The following TBCCD1 variants were observed in gnomAD, a reference collection of about 807,000 sequenced individuals.
TBCCD1 encodes the protein TBCC domain containing 1, also known as TBCC domain-containing protein 1.
In TBCCD1, 26 loss-of-function variants were observed where a neutral mutation model predicts 53.4. That is an observed-to-expected ratio of 0.49 (90% CI 0.36 to 0.68). The LOEUF (loss-of-function observed/expected upper bound fraction) is 0.68. TBCCD1 is among the 30% of genes least tolerant of loss of function. The pLI is 0.00. For synonymous variants in TBCCD1, 245 were observed against 241.7 expected (o/e 1.01, Z -0.13); for missense variants, 558 against 669.5 (o/e 0.83, Z 1.84).
chr3:186,554,328 A>G lies in TBCCD1; in HGVS notation c.1470T>C (p.Tyr490=), dbSNP rs1293072139. Residue 490 remains tyrosine (Y), a synonymous_variant, in exon 6 of 8, where the codon TAT becomes TAC. Coordinates refer to ENST00000338733, the MANE Select transcript of TBCCD1 (RefSeq NM_018138.5). ...TEIPGGLPSV[Y]QKALGQREQK... ...GTTCTCTTTGACCCAGTGCTTTCTG[A>G]TATACAGATGGAAGACCCCCGGGTA... is the stretch of plus-strand genomic sequence containing the variant. 1 of 1,614,174 alleles carries G rather than the reference A, an allele frequency of 6.2e-7. No homozygotes were observed. Among genetic ancestry groups the G allele is most frequent in the East Asian group, 2.2e-5 (1 of 44,888 alleles).
intron 1 of TBCCD1, among the ~76,000 whole-genome samples, chr3:186,566,306 G>C (rs1266896933): frequency 6.6e-6 from 1 of 152,180 alleles, no homozygotes; most frequent in Non-Finnish European, 1.5e-5. Flanking sequence ...CTTCCAAAGT[G>C]CTGGGATTAC....
chr3:186,566,439 T>G (rs749898024), intron 1 of TBCCD1, among the ~76,000 whole-genome samples: 12 of 152,200 alleles, frequency 7.9e-5, no homozygotes, highest in Non-Finnish European at 7.3e-5. Flanking sequence ...TGATTTTGCA[T>G]ACTTCACCTC....
At chr3:186,552,075 A>G (rs1183271106) in intron 6 of TBCCD1, among the ~76,000 whole-genome samples, 3 of 152,188 alleles carry the variant, frequency 2.0e-5, no homozygotes, top group Non-Finnish European at 4.4e-5. Context: ...GGGTGAAGGA[A>G]TAGCAATTCT....
At chr3:186,549,317 T>G (rs1316631456) in intron 7 of TBCCD1, among the ~76,000 whole-genome samples, 1 of 151,940 alleles carries the variant, frequency 6.6e-6, no homozygotes, top group African/African-American at 2.4e-5. Context: ...AATTAATTAA[T>G]TAATTGATCC....
rs1356893268 is a variant in TBCCD1 at position 186,549,221 on chromosome 3, A to T, written c.*21+1908T>A. Among the ~76,000 whole-genome samples, 58 of 152,238 alleles carry T rather than the reference A, an allele frequency of 3.8e-4. No homozygotes were observed. In the East Asian group the frequency reaches 0.011, roughly 28 times the overall value. ...GAGAATCACTTGAACCTGGGAAGTGACGGTTGCAGTGAGCCGAGACCGCAC... is the reference window on the plus strand; with the variant it reads ...GAGAATCACTTGAACCTGGGAAGTGTCGGTTGCAGTGAGCCGAGACCGCAC... On this transcript the variant is annotated intron_variant, in intron 7 of 7. Coordinates refer to ENST00000338733, the MANE Select transcript of TBCCD1 (RefSeq NM_018138.5).
rs140031323 is a variant in TBCCD1 at position 186,556,476 on chromosome 3, C to A, written c.792G>T (p.Leu264Phe). The A allele has an allele frequency of 1.4e-5, 22 of 1,609,102 alleles. No homozygotes were observed. The African/African-American group carries it at 3.0e-4, about 22-fold the overall frequency. The change falls in exon 4 of 8, where the codon TTG becomes TTT. Residue 264 changes from leucine (L) to phenylalanine (F), a missense_variant. Physicochemically the swap from Leu to Phe is conservative, Grantham distance 22. Transcript: ENST00000338733. ...CTGATGTACCAAATGGATTCCCAGT[C>A]AAACAGGACCTCAACCAGGTTTCCA... ...YKLETWLRSC[L>F]TGNPFGTSAC... is the part of the protein sequence containing the mutation.
intron 3 of TBCCD1, among the ~76,000 whole-genome samples, chr3:186,556,992 C>T (rs924405607): frequency 6.6e-6 from 1 of 152,142 alleles, no homozygotes; most frequent in Non-Finnish European, 1.5e-5. Flanking sequence ...CTATTCCAGT[C>T]CCAATGTCAA....
chr3:186,562,818 G>A (rs975148110), intron 2 of TBCCD1, among the ~76,000 whole-genome samples: 2 of 152,104 alleles, frequency 1.3e-5, no homozygotes, highest in Non-Finnish European at 1.5e-5. Context: ...AACTGATTGA[G>A]CTGTATACAT....
chr3:186,561,799 T>G (rs9815378), intron 2 of TBCCD1, among the ~76,000 whole-genome samples: 1 of 150,404 alleles, frequency 6.6e-6, no homozygotes, highest in African/African-American at 2.5e-5. Flanking sequence ...AAAAAAAAAA[T>G]AAATAAATAG....
chr3:186,548,393 T>C lies in TBCCD1; in HGVS notation c.*22-1438A>G, dbSNP rs148990967. ...TGGAGGAATAAGGAGTGGCCTACAATGTGTACGAGCTTTATTTTGAAGGTG... is the reference window on the plus strand; with the variant it reads ...TGGAGGAATAAGGAGTGGCCTACAACGTGTACGAGCTTTATTTTGAAGGTG... On this transcript the variant is annotated intron_variant, in intron 7 of 7. Transcript: ENST00000338733. 5.9e-3 allele frequency among the ~76,000 whole-genome samples: 906 copies of C among 152,326 alleles called. 6 individuals carry two copies. Among genetic ancestry groups the C allele is most frequent in the African/African-American group, 0.02 (833 of 41,560 alleles).
chr3:186,561,924 A>G (rs994105289), intron 2 of TBCCD1, among the ~76,000 whole-genome samples: 3 of 152,264 alleles, frequency 2.0e-5, no homozygotes, highest in Admixed American at 1.3e-4. Context: ...CTGCACTCCC[A>G]TGTTCATTGC....
intron 2 of TBCCD1, 110 bp downstream of exon 2, chr3:186,563,884 T>C: frequency 7.5e-7 from 1 of 1,325,828 alleles, no homozygotes; most frequent in African/African-American, 1.5e-5. Flanking sequence ...GGCAACAAAG[T>C]GAAACTCTGT....
chr3:186,554,819 T>C, intron 5 of TBCCD1, 68 bp from the exon 6 acceptor site: 1 of 1,594,354 alleles, frequency 6.3e-7, no homozygotes, highest in East Asian at 2.2e-5. Flanking sequence ...AAAATATTAT[T>C]ATCTGATGGC....
chr3:186,551,033 A>C (rs1044559192), intron 7 of TBCCD1, 96 bp downstream of exon 7: 101 of 1,341,162 alleles, frequency 7.5e-5, no homozygotes, highest in Non-Finnish European at 9.8e-5. Context: ...CGGTAGAAAA[A>C]ATTTGGGCAT....
At position 186,554,670 on chromosome 3, in the gene TBCCD1, G is replaced by A. The variant is rs1174176150; in HGVS notation, c.1128C>T (p.Asp376=). ...GGCAAACAGCAATGACTTTAACATT[G>A]TCACAACTGTGGAGGTGAAGTGTAG... is the stretch of plus-strand genomic sequence containing the variant. ...VGTTLHLHSC[D]NVKVIAVCHR... The change falls in exon 6 of 8, where the codon GAC becomes GAT. Residue 376 remains aspartate, a synonymous_variant. Transcript: ENST00000338733. 1.2e-6 allele frequency: 2 copies of A among 1,614,078 alleles called. No homozygotes were observed. The highest frequency in any genetic ancestry group is 1.7e-6 in the Non-Finnish European group (2 of 1,180,038).
upstream of TBCCD1, chr3:186,570,425 G>A (rs1714985698): frequency 2.1e-6 from 1 of 477,572 alleles, no homozygotes; most frequent in African/African-American, 2.0e-5. Context: ...GCAAGCCGGA[G>A]GGATTTCGTG....
Position 186,558,413 on chromosome 3 carries a change from G to GTACC in TBCCD1, c.492_492+3dup, listed in dbSNP as rs752446050. On this transcript the variant is annotated splice_donor_region_variant and intron_variant, in intron 3 of 7. Transcript: ENST00000338733. ...AGAGAATGAGATCAAGATATAAGGA[G>GTACC]TACCTTATTATGACAATTAGATTTT... 1 of 1,613,190 alleles carries GTACC rather than the reference G, an allele frequency of 6.2e-7. No individual in the cohort carries two copies. The highest frequency in any genetic ancestry group is 8.5e-7 in the Non-Finnish European group (1 of 1,179,640).
chr3:186,554,980 T>C lies in TBCCD1; in HGVS notation c.964A>G (p.Lys322Glu). The C allele has an allele frequency of 6.2e-7, 1 of 1,614,014 alleles. No homozygotes were observed. The highest frequency in any genetic ancestry group is 8.5e-7 in the Non-Finnish European group (1 of 1,180,028). The change falls in exon 5 of 8, where the codon AAG (lysine) becomes GAG (glutamate). Residue 322 changes from lysine (K) to glutamate (E), a missense_variant. Coordinates refer to ENST00000338733, the MANE Select transcript of TBCCD1 (RefSeq NM_018138.5). The part of the protein sequence containing the change: ...MSQVYKQTLA[K>E]SSDTLAGAHV... ...GCCCCCGCCAGAGTGTCTGAGCTCTTAGCCAGTGTCTGCTTGTAAACCTGG... is the reference window on the plus strand; with the variant it reads ...GCCCCCGCCAGAGTGTCTGAGCTCTCAGCCAGTGTCTGCTTGTAAACCTGG...
intron 2 of TBCCD1, 80 bp downstream of exon 2, chr3:186,563,914 T>C (rs1263085324): frequency 2.7e-6 from 4 of 1,457,376 alleles, no homozygotes; most frequent in African/African-American, 2.8e-5. Flanking sequence ...AAAATTGTAA[T>C]AAGCAAAAAC....
Sources: allele counts gnomAD v4.1 joint callset (sites outside exome capture counted in the v4.1 genomes callset), GRCh38; gene constraint gnomAD v4.1.1; transcripts MANE v1.5; gene names NCBI Gene and HGNC (gene_info 2026-07-23, HGNC 2026-07-21).